Variants in GALNT9 observed in about 807,000 individuals in gnomAD.
GALNT9 encodes GalNAc transferase 9.
Under a neutral mutation model 63.1 loss-of-function variants are expected in GALNT9, and 47 were observed. That is an observed-to-expected ratio of 0.75 (90% CI 0.59 to 0.95). The LOEUF is 0.95. Ranked by LOEUF, GALNT9 falls within the 40% of genes least tolerant of loss-of-function variation. The pLI, the probability that GALNT9 is intolerant of heterozygous loss-of-function variation, is 0.00. For synonymous variants in GALNT9, 396 were observed against 365.7 expected (o/e 1.08, Z -0.94); for missense variants, 829 against 874.8 (o/e 0.95, Z 0.66).
chr12:132,258,397 GA>G (rs1879223626), intron 4 of GALNT9, among the ~76,000 whole-genome samples: 1 of 152,254 alleles, frequency 6.6e-6, no homozygotes, highest in African/African-American at 2.4e-5. Context: ...GTGCCACGGG[GA>G]GCTCGCACGG....
rs1457788133 is a variant in GALNT9, at chr12:132,279,051, C to T, written c.419+7199G>A. 1 of 152,312 alleles carries T rather than the reference C, an allele frequency of 6.6e-6. No individual in the cohort carries two copies. Among genetic ancestry groups the T allele is most frequent in the Non-Finnish European group, 1.5e-5 (1 of 68,118 alleles). The allele number at this position is 152,312 out of a possible 1,614,324, so 9.4% of individuals were successfully genotyped here. A position where few individuals can be genotyped will look rare whatever the true frequency, so the allele number is the denominator to read the frequency against. On this transcript the variant is annotated intron_variant, in intron 2 of 10. Transcript: ENST00000328957. The surrounding 1 kb of genome is among the most constrained non-coding windows in gnomAD (Gnocchi z 4.1). The stretch of plus-strand genomic sequence containing the variant: ...TCAGACCCCACGGCATGGTGACTGT[C>T]ACTGCAGAGGGCTAGAGAGGGCCGC...
At chr12:132,208,481 G>C (rs1876820208) in intron 6 of GALNT9, among the ~76,000 whole-genome samples, 1 of 152,358 alleles carries the variant, frequency 6.6e-6, no homozygotes, top group South Asian at 2.1e-4. Flanking sequence ...TGGACCAACA[G>C]AAAGGGCCAG....
chr12:132,225,840 C>G (rs1228257528), intron 6 of GALNT9, among the ~76,000 whole-genome samples: 2 of 133,920 alleles, frequency 1.5e-5, no homozygotes, highest in Admixed American at 7.4e-5. Flanking sequence ...ACACACCACA[C>G]AACCCACACC....
In GALNT9 at chr12:132,328,946, G is replaced by A. The variant is rs782669372; in HGVS notation, c.238+20C>T. ...TCCCGGGCAGGGCTGCCCCCACTCC[G>A]CCCCGGCGCCCCCGCTCACCGTTGA... is the stretch of plus-strand genomic sequence containing the variant. On this transcript the variant is annotated intron_variant, in intron 1 of 10. Coordinates refer to ENST00000328957, the MANE Select transcript of GALNT9 (RefSeq NM_001122636.2). The A allele has an allele frequency of 5.3e-6, 8 of 1,500,994 alleles. No individual in the cohort carries two copies. Among genetic ancestry groups the A allele is most frequent in the South Asian group, 5.1e-5 (4 of 78,434 alleles). The allele number at this position is 1,500,994 out of a possible 1,614,324, so 93.0% of individuals were successfully genotyped here. A position where few individuals can be genotyped will look rare whatever the true frequency, so the allele number is the denominator to read the frequency against.
intron 6 of GALNT9, among the ~76,000 whole-genome samples, chr12:132,205,066 G>C (rs1467582991): frequency 6.6e-6 from 1 of 152,186 alleles, no homozygotes; most frequent in African/African-American, 2.4e-5. Context: ...CCTCTGCCCA[G>C]CTGAGCTCGG....
At chr12:132,306,984 A>C (rs1203580655) in intron 1 of GALNT9, among the ~76,000 whole-genome samples, 1 of 151,992 alleles carries the variant, frequency 6.6e-6, no homozygotes. Context: ...TCTGATTTCC[A>C]TGGGGGCTGA....
chr12:132,313,776 A>T, intron 1 of GALNT9, among the ~76,000 whole-genome samples: 1 of 133,226 alleles, frequency 7.5e-6, no homozygotes, highest in African/African-American at 3.0e-5. Context: ...CCAGCCATCC[A>T]TCCATACATC....
chr12:132,276,942 A>G (rs1439295792), intron 2 of GALNT9, among the ~76,000 whole-genome samples: 1 of 149,088 alleles, frequency 6.7e-6, no homozygotes, highest in African/African-American at 2.6e-5. Context: ...ACATCTGTGG[A>G]CACACACACA....
At chr12:132,198,618 G>T (rs923335166) in intron 9 of GALNT9, among the ~76,000 whole-genome samples, 1 of 152,160 alleles carries the variant, frequency 6.6e-6, no homozygotes, top group South Asian at 2.1e-4. Flanking sequence ...ACTGAGGGGG[G>T]AGTGATGCAC....
At position 132,264,774 on chromosome 12, in the gene GALNT9, T is replaced by G. The variant is rs73166898; in HGVS notation, c.420-2149A>C. Among the ~76,000 whole-genome samples, 204 of 152,322 alleles carry G rather than the reference T, an allele frequency of 1.3e-3. 1 individual carries two copies. The highest frequency in any genetic ancestry group is 7.0e-3 in the South Asian group (34 of 4,826). On this transcript the variant is annotated intron_variant, in intron 2 of 10. Coordinates refer to ENST00000328957, the MANE Select transcript of GALNT9 (RefSeq NM_001122636.2). ...GATTGGCTTATGCTCCACCGCGTCATGCTGGACTCAGGGCCTGGCAGGTGC... is the reference window on the plus strand; with the variant it reads ...GATTGGCTTATGCTCCACCGCGTCAGGCTGGACTCAGGGCCTGGCAGGTGC...
chr12:132,196,968 C>T lies in GALNT9; in HGVS notation c.*139G>A, dbSNP rs896175440. 26 of 1,496,456 alleles carry T rather than the reference C, an allele frequency of 1.7e-5. No individual in the cohort carries two copies. The highest frequency in any genetic ancestry group is 2.2e-5 in the Non-Finnish European group (25 of 1,127,248). The allele number at this position is 1,496,456 out of a possible 1,614,324, so 92.7% of individuals were successfully genotyped here. On this transcript the variant is annotated 3_prime_UTR_variant, in exon 11 of 11. Transcript: ENST00000328957. ...ACACCCTGGTCACTCAGCCACACCCCGGCCCCTCAGCCTCTGCTGTCCTGG... is the reference window on the plus strand; with the variant it reads ...ACACCCTGGTCACTCAGCCACACCCTGGCCCCTCAGCCTCTGCTGTCCTGG...
chr12:132,227,822 G>A (rs2135524535), intron 6 of GALNT9, among the ~76,000 whole-genome samples: 1 of 152,172 alleles, frequency 6.6e-6, no homozygotes, highest in African/African-American at 2.4e-5. Context: ...CAACGTGGAG[G>A]GGTCTTCTGA....
intron 5 of GALNT9, among the ~76,000 whole-genome samples, chr12:132,249,911 A>G (rs1375818534): frequency 4.6e-5 from 7 of 152,138 alleles, no homozygotes; most frequent in African/African-American, 1.7e-4. Flanking sequence ...ACAGGGGTGC[A>G]GGGTGGAGGC....
At chr12:132,240,496 G>T (rs1356793250) in intron 6 of GALNT9, 1 of 410,266 alleles carries the variant, frequency 2.4e-6, no homozygotes, top group Admixed American at 3.1e-5. Flanking sequence ...CGGACCCCGG[G>T]CGGCACTCAC....
At chr12:132,308,049 CAAAA>C (rs1566020920) in intron 1 of GALNT9, among the ~76,000 whole-genome samples, 36 of 138,678 alleles carry the variant, frequency 2.6e-4, no homozygotes, top group African/African-American at 8.8e-4. Context: ...AAAAAAAAAA[CAAAA>C]AAACACACAA....
At chr12:132,321,752 C>T (rs1032934760) in intron 1 of GALNT9, among the ~76,000 whole-genome samples, 2 of 152,050 alleles carry the variant, frequency 1.3e-5, no homozygotes, top group Admixed American at 6.5e-5. Context: ...GCAGTGGCAC[C>T]GAGTGGGGAG....
intron 2 of GALNT9, chr12:132,272,975 C>T (rs1331763912): frequency 2.0e-5 from 3 of 152,388 alleles, no homozygotes; most frequent in South Asian, 2.1e-4. Context: ...TAGGGCCCCA[C>T]TCCTCCTCCT....
intron 6 of GALNT9, among the ~76,000 whole-genome samples, chr12:132,219,775 C>T (rs1264120437): frequency 8.2e-6 from 1 of 121,646 alleles, no homozygotes; most frequent in African/African-American, 3.2e-5. Flanking sequence ...GGGTGACACC[C>T]GCCCGGGTAA....
chr12:132,262,593 G>A lies in GALNT9; in HGVS notation c.452C>T (p.Pro151Leu). ...CRQMSYAQDLPQVSVVFIFVN... is the reference protein window; with the variant it reads ...CRQMSYAQDLLQVSVVFIFVN... ...GAAGATGAAGACCACGGAGACCTGG[G>A]GCAGGTCCTGGGCGTAGCTCATCTG... is the stretch of plus-strand genomic sequence containing the variant. Residue 151 changes from proline (P) to leucine (L), a missense_variant, in exon 3 of 11, where the codon CCC (proline) becomes CTC (leucine). By Grantham distance (98) the Pro-to-Leu change is moderately conservative. Transcript: ENST00000328957. The A allele has an allele frequency of 6.4e-7, 1 of 1,551,320 alleles. No individual in the cohort carries two copies. Among genetic ancestry groups the A allele is most frequent in the Non-Finnish European group, 8.7e-7 (1 of 1,146,816 alleles).
Sources: allele counts gnomAD v4.1 joint callset (sites outside exome capture counted in the v4.1 genomes callset), GRCh38; gene constraint gnomAD v4.1.1; non-coding constraint Gnocchi (gnomAD v3.1); transcripts MANE v1.5; gene names NCBI Gene and HGNC (gene_info 2026-07-23, HGNC 2026-07-21).